IMMP2L: variants seen among roughly 807,000 people sequenced by gnomAD.
IMMP2L encodes inner mitochondrial membrane peptidase subunit 2.
A neutral mutation model predicts 19.3 loss-of-function variants in IMMP2L; 18 were observed. The observed-to-expected ratio is 0.93, with a 90% CI of 0.64 to 1.38. The LOEUF (loss-of-function observed/expected upper bound fraction) is 1.38, where lower values mean the gene tolerates loss of function less well. IMMP2L is among the 40% of genes most tolerant of loss of function. The pLI is 0.00. For missense variants in IMMP2L, 233 were observed against 218.2 expected (o/e 1.07, Z -0.43); for synonymous variants, 76 against 73.0 (o/e 1.04, Z -0.21).
chr7:110,886,158 T>A (rs1810198823), intron 5 of IMMP2L, among the ~76,000 whole-genome samples: 1 of 152,098 alleles, frequency 6.6e-6, no homozygotes, highest in African/African-American at 2.4e-5. Flanking sequence ...AAAGTTTGCT[T>A]CCTGTACATT....
At chr7:110,881,764 T>C (rs1325875401) in intron 5 of IMMP2L, among the ~76,000 whole-genome samples, 1 of 152,216 alleles carries the variant, frequency 6.6e-6, no homozygotes, top group East Asian at 1.9e-4. Flanking sequence ...TTCTGTATTG[T>C]ACAGGCAGAA....
chr7:111,324,682 A>T (rs1157612916), intron 3 of IMMP2L, among the ~76,000 whole-genome samples: 1 of 151,884 alleles, frequency 6.6e-6, no homozygotes, highest in African/African-American at 2.4e-5. Context: ...ATATTCCCTA[A>T]CAAAGGGAAA....
rs1003198506 is a variant in IMMP2L at position 110,877,655 on chromosome 7, A to G, written c.408+8938T>C. Among the ~76,000 whole-genome samples, 1 of 152,126 alleles carries G rather than the reference A, an allele frequency of 6.6e-6. No individual in the cohort carries two copies. The highest frequency in any genetic ancestry group is 1.5e-5 in the Non-Finnish European group (1 of 68,012). On this transcript the variant is annotated intron_variant, in intron 5 of 5. Coordinates refer to ENST00000405709, the MANE Select transcript of IMMP2L (RefSeq NM_032549.4). The surrounding 1 kb of genome is among the most constrained non-coding windows in gnomAD (Gnocchi z 4.0). ...CTTTACACTAGCTATTTTGAGCCAG[A>G]CTGCGCTTAGGCCTCGGCAAGAGGC...
chr7:110,677,572 G>A (rs1487037765), intron 5 of IMMP2L, among the ~76,000 whole-genome samples: 2 of 152,052 alleles, frequency 1.3e-5, no homozygotes, highest in East Asian at 3.9e-4. Context: ...TCCATTCCAC[G>A]TAAGCACTGA....
intron 3 of IMMP2L, among the ~76,000 whole-genome samples, chr7:111,320,722 T>C (rs564686174): frequency 6.6e-6 from 1 of 152,124 alleles, no homozygotes; most frequent in Non-Finnish European, 1.5e-5. Context: ...ACTAAAGCAA[T>C]TGAGTTTGAT....
At chr7:110,706,826 C>T (rs949806509) in intron 5 of IMMP2L, among the ~76,000 whole-genome samples, 2 of 151,912 alleles carry the variant, frequency 1.3e-5, no homozygotes, top group Non-Finnish European at 2.9e-5. Flanking sequence ...GTTTCTTTTG[C>T]TGTGCAGATG....
chr7:111,537,740 T>C (rs1848023554), intron 1 of IMMP2L, among the ~76,000 whole-genome samples: 1 of 151,852 alleles, frequency 6.6e-6, no homozygotes, highest in Non-Finnish European at 1.5e-5. Flanking sequence ...TTCATCATGT[T>C]TCCCAGGCTA....
intron 3 of IMMP2L, among the ~76,000 whole-genome samples, chr7:111,199,538 A>T (rs994354495): frequency 2.0e-5 from 3 of 152,174 alleles, no homozygotes; most frequent in Non-Finnish European, 4.4e-5. Context: ...AATGGTAATC[A>T]CTAAAGTTAT....
At chr7:110,986,220 A>G (rs974783449) in intron 3 of IMMP2L, among the ~76,000 whole-genome samples, 1 of 152,130 alleles carries the variant, frequency 6.6e-6, no homozygotes, top group Non-Finnish European at 1.5e-5. Context: ...TTAAAAAAAA[A>G]ACAAAGTTTG....
intron 3 of IMMP2L, among the ~76,000 whole-genome samples, chr7:111,447,783 AC>A (rs1335734586): frequency 2.0e-5 from 3 of 151,838 alleles, no homozygotes; most frequent in African/African-American, 7.3e-5. Flanking sequence ...AAGAGTCAAG[AC>A]CCATCAGTGT....
Position 110,991,003 on chromosome 7 carries a change from A to AT in IMMP2L, c.240-27439dup, listed in dbSNP as rs529793100. On this transcript the variant is annotated intron_variant, in intron 3 of 5. Transcript: ENST00000405709. ...AGAAAACTTTTCTAATTTTCATGCA[A>AT]TAATATGAAAATGTGTGTTTCATAA... Among the ~76,000 whole-genome samples the AT allele has an allele frequency of 7.2e-5, 11 of 152,270 alleles. No individual in the cohort carries two copies. The South Asian group carries it at 2.3e-3, about 32-fold the overall frequency.
At chr7:111,065,612 A>G (rs1192245111) in intron 3 of IMMP2L, among the ~76,000 whole-genome samples, 1 of 152,188 alleles carries the variant, frequency 6.6e-6, no homozygotes, top group Admixed American at 6.5e-5. Context: ...TGTGGCCAGG[A>G]TATAAAGGAG....
intron 5 of IMMP2L, among the ~76,000 whole-genome samples, chr7:110,828,760 C>A (rs1803716574): frequency 6.6e-6 from 1 of 152,096 alleles, no homozygotes; most frequent in South Asian, 2.1e-4. Context: ...CTAAAAGATT[C>A]TGAAGATTTT....
intron 5 of IMMP2L, among the ~76,000 whole-genome samples, chr7:110,885,056 A>G (rs1810074882): frequency 1.3e-5 from 2 of 152,064 alleles, no homozygotes; most frequent in Non-Finnish European, 2.9e-5. Flanking sequence ...TAAATTTTAG[A>G]AAAAAACTAT....
At chr7:110,857,234 A>G (rs954218742) in intron 5 of IMMP2L, among the ~76,000 whole-genome samples, 5 of 152,108 alleles carry the variant, frequency 3.3e-5, no homozygotes, top group African/African-American at 1.2e-4. Flanking sequence ...TTCTTGGGGA[A>G]TATCTGGTCT....
At chr7:110,695,256 A>T (rs570135493) in intron 5 of IMMP2L, among the ~76,000 whole-genome samples, 74 of 152,224 alleles carry the variant, frequency 4.9e-4, no homozygotes, top group African/African-American at 1.8e-3. Flanking sequence ...CAGTGGCACA[A>T]TTGTGGCTCA....
At chr7:111,390,990 CTAACA>C (rs1291567826) in intron 3 of IMMP2L, among the ~76,000 whole-genome samples, 18 of 152,118 alleles carry the variant, frequency 1.2e-4, no homozygotes, top group African/African-American at 4.3e-4. Context: ...ATATATTCAA[CTAACA>C]TAAAACACCT....
chr7:110,872,601 G>GTC (rs1386635283), intron 5 of IMMP2L, among the ~76,000 whole-genome samples: 1 of 152,072 alleles, frequency 6.6e-6, no homozygotes, highest in Non-Finnish European at 1.5e-5. Flanking sequence ...TGGTCTACAG[G>GTC]TAGATACCTG....
chr7:111,431,217 T>C (rs1836595717), intron 3 of IMMP2L, among the ~76,000 whole-genome samples: 2 of 151,924 alleles, frequency 1.3e-5, no homozygotes, highest in African/African-American at 2.4e-5. Context: ...CCAGGATTTA[T>C]AGATCTTTTG....
Sources: allele counts gnomAD v4.1 joint callset (sites outside exome capture counted in the v4.1 genomes callset), GRCh38; gene constraint gnomAD v4.1.1; non-coding constraint Gnocchi (gnomAD v3.1); transcripts MANE v1.5; gene names NCBI Gene and HGNC (gene_info 2026-07-23, HGNC 2026-07-21).